The following DMD variants were observed in gnomAD, a reference collection of about 807,000 sequenced individuals.
The protein encoded by DMD is dystrophin, also known as mutant dystrophin.
In DMD, 63 loss-of-function variants were observed where a neutral mutation model predicts 330.1. That is an observed-to-expected ratio of 0.19 (90% CI 0.16 to 0.24). DMD has a LOEUF of 0.24. DMD is among the 10% of genes least tolerant of loss of function. The probability of loss-of-function intolerance (pLI) is 1.00; values close to 1 mark genes in which losing one functional copy is unlikely to be tolerated. For synonymous variants in DMD, 1,223 were observed against 959.8 expected (o/e 1.27, Z -5.07); for missense variants, 3,344 against 2,684.1 (o/e 1.25, Z -5.43).
rs1303156040 is a variant in DMD, at chrX:32,768,234, T to TA, written c.649+41258dup. Among the ~76,000 whole-genome samples the TA allele has an allele frequency of 8.9e-5, 10 of 112,300 alleles. 1 individual carries two copies. Among genetic ancestry groups the TA allele is most frequent in the African/African-American group, 2.9e-4 (9 of 30,932 alleles). On this transcript the variant is annotated intron_variant, in intron 7 of 78. Coordinates refer to ENST00000357033, the MANE Select transcript of DMD (RefSeq NM_004006.3). ...GCAGACACTAAGAAAACTTATTTAA[T>TA]AACAAGACTGAAATTAGATTTCCGT...
intron 15 of DMD, among the ~76,000 whole-genome samples, 181 bp from the exon 16 acceptor site, chrX:32,566,062 C>A (rs976435831): frequency 9.0e-6 from 1 of 111,455 alleles, no homozygotes; most frequent in East Asian, 2.8e-4. Context: ...TCTAATTATC[C>A]CAAGAAGTTT....
chrX:31,906,775 T>G (rs749005739), intron 47 of DMD, among the ~76,000 whole-genome samples: 2 of 112,070 alleles, frequency 1.8e-5, no homozygotes, highest in South Asian at 7.5e-4. Context: ...AGCAGCTCCA[T>G]TGGTTACAGT....
chrX:33,236,016 T>C (rs1271001615), intron 1 of DMD, among the ~76,000 whole-genome samples: 15 of 97,772 alleles, frequency 1.5e-4, no homozygotes, highest in Non-Finnish European at 2.5e-4. Flanking sequence ...CCCGGGTTCA[T>C]GCCATTCTCC....
intron 2 of DMD, among the ~76,000 whole-genome samples, chrX:32,893,210 G>T (rs1458502177): frequency 8.9e-6 from 1 of 111,807 alleles, no homozygotes; most frequent in South Asian, 3.7e-4. Context: ...TAACCAAATG[G>T]TTTCGCCTAC....
At chrX:32,082,499 C>G (rs1429237967) in intron 44 of DMD, among the ~76,000 whole-genome samples, 2 of 111,341 alleles carry the variant, frequency 1.8e-5, no homozygotes, top group Admixed American at 9.6e-5. Context: ...CTCAAGCGAT[C>G]CTTACACCAC....
Position 32,859,982 on chromosome X carries a change from A to G in DMD, c.94-10162T>C, listed in dbSNP as rs181328152. Among the ~76,000 whole-genome samples, 736 of 111,776 alleles carry G rather than the reference A, an allele frequency of 6.6e-3. 5 individuals carry two copies. Among genetic ancestry groups the G allele is most frequent in the Non-Finnish European group, 0.011 (592 of 53,169 alleles). On this transcript the variant is annotated intron_variant, in intron 2 of 78. Transcript: ENST00000357033. Reference sequence around the variant, plus strand: ...TTCCCTTATCAAGTGAACTGAGTGGATATCTGATATTACTCAGTTTAATGT... The same window carrying G: ...TTCCCTTATCAAGTGAACTGAGTGGGTATCTGATATTACTCAGTTTAATGT...
At chrX:31,833,762 C>T (rs1198713821) in intron 49 of DMD, among the ~76,000 whole-genome samples, 1 of 110,918 alleles carries the variant, frequency 9.0e-6, no homozygotes, top group East Asian at 2.9e-4. Flanking sequence ...ATGCAGAATG[C>T]GGAGGTGCCA....
intron 61 of DMD, among the ~76,000 whole-genome samples, chrX:31,326,764 T>C (rs2056814901): frequency 9.0e-6 from 1 of 111,615 alleles, no homozygotes; most frequent in Admixed American, 9.5e-5. Context: ...TTAAGGGTTG[T>C]CGACAATTTC....
intron 48 of DMD, among the ~76,000 whole-genome samples, chrX:31,839,450 G>A (rs1454430747): frequency 8.9e-6 from 1 of 111,897 alleles, no homozygotes; most frequent in African/African-American, 3.2e-5. Flanking sequence ...TGTTCACGCA[G>A]ACAGTCGAAA....
At chrX:31,802,215 C>A (rs1288057765) in intron 50 of DMD, among the ~76,000 whole-genome samples, 2 of 109,522 alleles carry the variant, frequency 1.8e-5, no homozygotes, top group Non-Finnish European at 3.8e-5. Flanking sequence ...GGTACTGGAG[C>A]ATTTTAAACA....
intron 2 of DMD, among the ~76,000 whole-genome samples, chrX:32,961,953 C>G (rs963399430): frequency 8.1e-5 from 9 of 111,792 alleles, no homozygotes; most frequent in Middle Eastern, 4.6e-3. Flanking sequence ...ACATTTTAGA[C>G]CGAAACTTCA....
chrX:33,282,966 T>A (rs1042457192), intron 1 of DMD, among the ~76,000 whole-genome samples: 4 of 112,352 alleles, frequency 3.6e-5, no homozygotes, highest in Non-Finnish European at 7.5e-5. Context: ...TTTCTTTTGA[T>A]GGCCTCTTGT....
intron 1 of DMD, among the ~76,000 whole-genome samples, chrX:33,150,463 T>G (rs2048232241): frequency 9.1e-6 from 1 of 109,381 alleles, no homozygotes; most frequent in African/African-American, 3.3e-5. Flanking sequence ...CCGGCTAATC[T>G]TTGTATGTTT....
At chrX:32,400,012 G>C (rs2066578655) in intron 30 of DMD, among the ~76,000 whole-genome samples, 1 of 111,343 alleles carries the variant, frequency 9.0e-6, no homozygotes, top group Admixed American at 9.6e-5. Context: ...GGAGTGGTGA[G>C]AGAGGGCATC....
At chrX:31,397,467 T>C (rs2060994362) in intron 60 of DMD, among the ~76,000 whole-genome samples, 1 of 112,204 alleles carries the variant, frequency 8.9e-6, no homozygotes, top group South Asian at 3.7e-4. Flanking sequence ...ACTGAATTGC[T>C]TTCTCCGACA....
chrX:32,700,478 G>A lies in DMD; in HGVS notation c.650-1185C>T, dbSNP rs1219410059. Among the ~76,000 whole-genome samples, 4 of 110,938 alleles carry A rather than the reference G, an allele frequency of 3.6e-5. No individual in the cohort carries two copies. The East Asian group carries it at 1.1e-3, about 31-fold the overall frequency. ...CAGTTAGATAGGAAAAATAAGTTCA[G>A]GAGATCTATTGTACAACCTAGTTTA... is the stretch of plus-strand genomic sequence containing the variant. On this transcript the variant is annotated intron_variant, in intron 7 of 78. Coordinates refer to ENST00000357033, the MANE Select transcript of DMD (RefSeq NM_004006.3).
At chrX:31,393,487 AAAAACAAAAAAAAAAAAC>A (rs368581863) in intron 60 of DMD, among the ~76,000 whole-genome samples, 68 of 99,797 alleles carry the variant, frequency 6.8e-4, no homozygotes, top group African/African-American at 3.1e-3. Context: ...AAAAAAAAAA[AAAAACAAAAAAAAAAAAC>A]AAACCCAACT....
chrX:32,052,478 A>G (rs1479930635), intron 44 of DMD, among the ~76,000 whole-genome samples: 5 of 110,925 alleles, frequency 4.5e-5, no homozygotes, highest in Non-Finnish European at 9.5e-5. Flanking sequence ...TGCCATTTGT[A>G]TTTTTCTTTA....
At chrX:31,565,833 T>A in intron 55 of DMD, among the ~76,000 whole-genome samples, 1 of 112,447 alleles carries the variant, frequency 8.9e-6, no homozygotes, top group Middle Eastern at 4.6e-3. Flanking sequence ...GAATATATAA[T>A]AATTTTAATT....
Sources: gnomAD v4.1 joint callset for allele counts (sites outside exome capture counted in the v4.1 genomes callset) on GRCh38, gnomAD v4.1.1 for gene constraint, MANE v1.5 for transcripts, NCBI Gene and HGNC (gene_info 2026-07-23, HGNC 2026-07-21) for gene names.